The following RBKS variants were observed in gnomAD, a reference collection of about 807,000 sequenced individuals.
The protein encoded by RBKS is ribokinase.
A neutral mutation model predicts 33.9 loss-of-function variants in RBKS; 33 were observed. That is an observed-to-expected ratio of 0.97 (90% CI 0.74 to 1.30). The LOEUF (loss-of-function observed/expected upper bound fraction) is 1.30. Ranked by LOEUF, RBKS falls within the 50% of genes most tolerant of loss-of-function variation. The pLI is 0.00. For synonymous variants in RBKS, 125 were observed against 143.0 expected, an observed-to-expected ratio of 0.87 and a Z score of 0.90; for missense variants, 361 against 392.6, an observed-to-expected ratio of 0.92 and a Z score of 0.68.
chr2:27,870,678 G>A, intron 1 of RBKS: 2 of 424,972 alleles, frequency 4.7e-6, no homozygotes, highest in South Asian at 1.7e-5. Flanking sequence ...ATGACATGGT[G>A]TGTAGACTCA....
intron 7 of RBKS, among the ~76,000 whole-genome samples, chr2:27,801,621 G>C (rs1466660489): frequency 6.6e-6 from 1 of 151,990 alleles, no homozygotes; most frequent in African/African-American, 2.4e-5. Flanking sequence ...GTGTTAGGCA[G>C]TTCTTGCATT....
At chr2:27,822,509 T>TA in intron 7 of RBKS, among the ~76,000 whole-genome samples, 1 of 152,302 alleles carries the variant, frequency 6.6e-6, no homozygotes, top group African/African-American at 2.4e-5. Context: ...ATGAGAGGAA[T>TA]ACAAGAGGCC....
intron 7 of RBKS, among the ~76,000 whole-genome samples, chr2:27,816,275 T>C (rs908252817): frequency 1.3e-5 from 2 of 152,248 alleles, no homozygotes; most frequent in African/African-American, 2.4e-5. Flanking sequence ...GATCTGTTGA[T>C]GTGGAAGTAA....
At chr2:27,796,908 A>C (rs1012856267) in intron 7 of RBKS, among the ~76,000 whole-genome samples, 1 of 151,004 alleles carries the variant, frequency 6.6e-6, no homozygotes, top group Admixed American at 6.6e-5. Context: ...TAGCTGCCTC[A>C]CTCCTCTCTC....
Position 27,781,424 on chromosome 2 carries a change from G to C in RBKS, c.*191C>G, listed in dbSNP as rs1677280100. ...GGTTGTGGAATCTTTAATTCTGGTTGTTTTGTGCAAATGCATGGAAAGCAA... is the reference window on the plus strand; with the variant it reads ...GGTTGTGGAATCTTTAATTCTGGTTCTTTTGTGCAAATGCATGGAAAGCAA... On this transcript the variant is annotated 3_prime_UTR_variant, in exon 8 of 8. Transcript: ENST00000302188. 2 of 544,362 alleles carry C rather than the reference G, an allele frequency of 3.7e-6. No individual in the cohort carries two copies. Among genetic ancestry groups the C allele is most frequent in the Non-Finnish European group, 6.4e-6 (2 of 311,500 alleles). 33.7% of individuals were successfully genotyped at this position (544,362 alleles called of 1,614,324 possible).
intron 7 of RBKS, among the ~76,000 whole-genome samples, chr2:27,824,335 C>A (rs1678273821): frequency 6.6e-6 from 1 of 152,178 alleles, no homozygotes; most frequent in South Asian, 2.1e-4. Flanking sequence ...CAAAACATTT[C>A]CATTACTCTA....
chr2:27,857,578 A>G (rs1228696298), intron 2 of RBKS, among the ~76,000 whole-genome samples: 1 of 152,182 alleles, frequency 6.6e-6, no homozygotes, highest in African/African-American at 2.4e-5. Flanking sequence ...GAGATGAGTA[A>G]ATCACCGGTT....
At chr2:27,827,178 G>A (rs192508094) in intron 7 of RBKS, among the ~76,000 whole-genome samples, 6 of 152,262 alleles carry the variant, frequency 3.9e-5, no homozygotes, top group Admixed American at 2.0e-4. Context: ...ATCTAAGCCC[G>A]ACAAGGGCAG....
At chr2:27,806,794 C>T (rs566558532) in intron 7 of RBKS, among the ~76,000 whole-genome samples, 50 of 152,292 alleles carry the variant, frequency 3.3e-4, no homozygotes, top group African/African-American at 8.7e-4. Context: ...GCACTGGAAT[C>T]GCCTGGAGGG....
chr2:27,828,467 T>C (rs1292306388), intron 6 of RBKS, among the ~76,000 whole-genome samples: 2 of 152,166 alleles, frequency 1.3e-5, no homozygotes, highest in Non-Finnish European at 2.9e-5. Flanking sequence ...AGTTTTTGCT[T>C]TCCATGTTTG....
chr2:27,835,985 G>C (rs576506602), intron 5 of RBKS, among the ~76,000 whole-genome samples: 2 of 152,108 alleles, frequency 1.3e-5, no homozygotes, highest in South Asian at 2.1e-4. Context: ...GGAGGCTGAG[G>C]GGGGTAGATC....
intron 3 of RBKS, 94 bp from the exon 4 acceptor site, chr2:27,847,198 C>T: frequency 1.4e-6 from 1 of 711,292 alleles, no homozygotes; most frequent in Middle Eastern, 4.1e-4. Context: ...CCTTGGAAAA[C>T]CTTTTTAACC....
At chr2:27,866,394 G>A (rs1287902209) in intron 1 of RBKS, among the ~76,000 whole-genome samples, 2 of 152,134 alleles carry the variant, frequency 1.3e-5, no homozygotes, top group Non-Finnish European at 2.9e-5. Flanking sequence ...GTGCTCTGAT[G>A]TAGTTTATAT....
chr2:27,833,293 T>C (rs1678458076), intron 5 of RBKS, among the ~76,000 whole-genome samples: 1 of 152,224 alleles, frequency 6.6e-6, no homozygotes, highest in Admixed American at 6.5e-5. Flanking sequence ...GCATATTTTG[T>C]ACACCTATGT....
chr2:27,809,963 T>C (rs1463220923), intron 7 of RBKS: 2 of 1,304,262 alleles, frequency 1.5e-6, no homozygotes, highest in East Asian at 1.1e-4. Flanking sequence ...GTTGCTGTTA[T>C]AAAAGGATTC....
intron 7 of RBKS, among the ~76,000 whole-genome samples, chr2:27,798,981 G>A (rs1432580588): frequency 3.9e-5 from 6 of 152,128 alleles, no homozygotes; most frequent in South Asian, 2.1e-4. Context: ...AGGGTAGCAC[G>A]CCTGTCTTCA....
chr2:27,789,973 G>GTGTATATATATATATATA (rs1677489204), intron 7 of RBKS, among the ~76,000 whole-genome samples: 1 of 85,260 alleles, frequency 1.2e-5, no homozygotes, highest in African/African-American at 4.8e-5. Flanking sequence ...ATATATATAT[G>GTGTATATATATATATATA]TATATATATA....
intron 7 of RBKS, among the ~76,000 whole-genome samples, chr2:27,791,796 C>T (rs868609632): frequency 2.0e-5 from 3 of 152,086 alleles, no homozygotes; most frequent in Middle Eastern, 6.8e-3. Flanking sequence ...AATGTGGCAA[C>T]AGAAAGCAGG....
At chr2:27,822,083 G>T (rs1678223003) in intron 7 of RBKS, among the ~76,000 whole-genome samples, 1 of 152,198 alleles carries the variant, frequency 6.6e-6, no homozygotes, top group African/African-American at 2.4e-5. Flanking sequence ...GAAAGAAGGA[G>T]ATGAGAAGAA....
Sources: gnomAD v4.1 joint callset for allele counts (sites outside exome capture counted in the v4.1 genomes callset) on GRCh38, gnomAD v4.1.1 for gene constraint, MANE v1.5 for transcripts, NCBI Gene and HGNC (gene_info 2026-07-23, HGNC 2026-07-21) for gene names.